Variants in SURF4 observed in about 807,000 individuals in gnomAD.
The protein encoded by SURF4 is surfeit 4, also known as surfeit locus protein 4.
SURF4 carries 3 observed loss-of-function variants against 30.0 expected under a neutral mutation model. The observed-to-expected ratio is 0.10, with a 90% CI of 0.05 to 0.26. SURF4 has a LOEUF of 0.26. SURF4 is among the 10% of genes least tolerant of loss of function. The pLI, the probability that SURF4 is intolerant of heterozygous loss-of-function variation, is 1.00. For synonymous variants in SURF4, 143 were observed against 139.9 expected, an observed-to-expected ratio of 1.02 and a Z score of -0.16; for missense variants, 217 against 350.8, an observed-to-expected ratio of 0.62 and a Z score of 3.05.
intron 2 of SURF4, 129 bp downstream of exon 2, chr9:133,367,130 C>T: frequency 8.0e-7 from 1 of 1,247,896 alleles, no homozygotes; most frequent in Non-Finnish European, 1.1e-6. Flanking sequence ...CACAGCTGAG[C>T]TGGAGAAGAG....
Position 133,366,684 on chromosome 9 carries a change from A to G in SURF4, c.236-9T>C, listed in dbSNP as rs1255718261. The G allele has an allele frequency of 1.2e-6, 2 of 1,612,998 alleles. No homozygotes were observed. Among genetic ancestry groups the G allele is most frequent in the Non-Finnish European group, 1.7e-6 (2 of 1,179,916 alleles). On this transcript the variant is annotated splice_polypyrimidine_tract_variant and intron_variant, in intron 2 of 5. Transcript: ENST00000371989. Reference sequence around the variant, plus strand: ...CACCAGGACGCAGCCAGCTGGAGAGAAGGACAAGGGTTAGGGGGCCTGAGG... The same window carrying G: ...CACCAGGACGCAGCCAGCTGGAGAGGAGGACAAGGGTTAGGGGGCCTGAGG...
chr9:133,375,223 T>C (rs2130234060), intron 1 of SURF4: 1 of 985,502 alleles, frequency 1.0e-6, no homozygotes, highest in Non-Finnish European at 1.2e-6. Context: ...GGCTTCCCTG[T>C]TGCTCAGAAT....
In SURF4 at chr9:133,361,867, G is replaced by A. The variant is rs1255392672; in HGVS notation, c.*1626C>T. 1.3e-5 allele frequency: 2 copies of A among 151,118 alleles called. No homozygotes were observed. The highest frequency in any genetic ancestry group is 4.9e-5 in the African/African-American group (2 of 40,462). The allele number at this position is 151,118 out of a possible 1,614,324, so 9.4% of individuals were successfully genotyped here. A position where few individuals can be genotyped will look rare whatever the true frequency, so the allele number is the denominator to read the frequency against. On this transcript the variant is annotated 3_prime_UTR_variant, in exon 6 of 6. Coordinates refer to ENST00000371989, the MANE Select transcript of SURF4 (RefSeq NM_033161.4). The stretch of plus-strand genomic sequence containing the variant: ...TGGGGGCTGTCATACGGCACTAACA[G>A]GGAGCGAGGTGTGGACCAAGAGACA...
intron 1 of SURF4, among the ~76,000 whole-genome samples, chr9:133,371,528 C>T (rs2130190161): frequency 2.0e-5 from 3 of 152,220 alleles, no homozygotes; most frequent in Admixed American, 6.5e-5. Context: ...TAACTGAGAA[C>T]GACTGGGCCC....
At chr9:133,367,573 C>G (rs2130146416) in intron 1 of SURF4, 128 bp from the exon 2 acceptor site, 1 of 1,540,126 alleles carries the variant, frequency 6.5e-7, no homozygotes, top group Non-Finnish European at 8.7e-7. Context: ...TTGTCAGCCC[C>G]GGTGCCTTCC....
rs2130071792 is a variant in SURF4 at position 133,362,200 on chromosome 9, A to C, written c.*1293T>G. 13 of 151,000 alleles carry C rather than the reference A, an allele frequency of 8.6e-5. No homozygotes were observed. Among genetic ancestry groups the C allele is most frequent in the Admixed American group, 7.9e-4 (12 of 15,252 alleles). The allele number at this position is 151,000 out of a possible 1,614,324, so 9.4% of individuals were successfully genotyped here. A position where few individuals can be genotyped will look rare whatever the true frequency, so the allele number is the denominator to read the frequency against. On this transcript the variant is annotated 3_prime_UTR_variant, in exon 6 of 6. Coordinates refer to ENST00000371989, the MANE Select transcript of SURF4 (RefSeq NM_033161.4). ...GCTGGGCCGCAGCAGCCCTGGAGAC[A>C]GGCTGAGCCAGCCTGTCCCCAGATA... is the stretch of plus-strand genomic sequence containing the variant.
At chr9:133,367,131 T>G (rs1280989396) in intron 2 of SURF4, 128 bp downstream of exon 2, 25 of 1,250,952 alleles carry the variant, frequency 2.0e-5, no homozygotes, top group African/African-American at 3.0e-5. Flanking sequence ...ACAGCTGAGC[T>G]GGAGAAGAGG....
chr9:133,369,513 C>T (rs1286006839), intron 1 of SURF4, among the ~76,000 whole-genome samples: 1 of 152,212 alleles, frequency 6.6e-6, no homozygotes, highest in African/African-American at 2.4e-5. Flanking sequence ...CCTTGTTTCA[C>T]TTTTTATTTT....
chr9:133,375,357 A>T (rs1406650351), intron 1 of SURF4: 1 of 985,578 alleles, frequency 1.0e-6, no homozygotes, highest in Non-Finnish European at 1.2e-6. Context: ...AGACGCAGAC[A>T]GGGTCAAAGG....
chr9:133,371,973 A>C (rs2130193463), intron 1 of SURF4, among the ~76,000 whole-genome samples: 1 of 152,274 alleles, frequency 6.6e-6, no homozygotes, highest in Non-Finnish European at 1.5e-5. Context: ...GCCACCAGGC[A>C]GAACCCATTA....
intron 1 of SURF4, among the ~76,000 whole-genome samples, chr9:133,373,686 G>C (rs1026302604): frequency 3.9e-5 from 6 of 151,934 alleles, no homozygotes; most frequent in African/African-American, 1.4e-4. Flanking sequence ...GGGAGGCTAA[G>C]GCAGGCGGAC....
chr9:133,368,892 C>T (rs1837338286), intron 1 of SURF4, among the ~76,000 whole-genome samples: 1 of 152,200 alleles, frequency 6.6e-6, no homozygotes, highest in South Asian at 2.1e-4. Flanking sequence ...AAAGAGCACC[C>T]GAGAGGCTGA....
chr9:133,366,512 T>C, intron 3 of SURF4, 87 bp downstream of exon 3: 2 of 1,419,496 alleles, frequency 1.4e-6, no homozygotes, highest in Admixed American at 3.4e-5. Flanking sequence ...GAAGGGGGAG[T>C]GACACTGAAC....
chr9:133,364,794 G>A, intron 5 of SURF4, 46 bp downstream of exon 5: 1 of 1,599,030 alleles, frequency 6.3e-7, no homozygotes, highest in Non-Finnish European at 8.6e-7. Flanking sequence ...GGGAGGGACA[G>A]CATTCACAGG....
intron 4 of SURF4, 100 bp downstream of exon 4, chr9:133,365,885 T>TG: frequency 2.4e-6 from 3 of 1,253,352 alleles, no homozygotes; most frequent in South Asian, 2.5e-5. Context: ...GTCATGTTGG[T>TG]GCCCAAGATT....
In SURF4 at chr9:133,363,874, G is replaced by A. The variant is rs2130095275; in HGVS notation, c.544-115C>T. 3.0e-6 allele frequency: 4 copies of A among 1,334,082 alleles called. No individual in the cohort carries two copies. Among genetic ancestry groups the A allele is most frequent in the Non-Finnish European group, 4.3e-6 (4 of 941,122 alleles). 82.6% of individuals were successfully genotyped at this position (1,334,082 alleles called of 1,614,324 possible). On this transcript the variant is annotated intron_variant, in intron 5 of 5. Transcript: ENST00000371989. This position sits in a 1 kb window ranked among gnomAD's most constrained non-coding sequence, Gnocchi z 4.3. Reference sequence around the variant, plus strand: ...AGTCTCTATCCATCAGGCTGATGTAGCTACTGCTGAGACGGCTGCTGGTGC... The same window carrying A: ...AGTCTCTATCCATCAGGCTGATGTAACTACTGCTGAGACGGCTGCTGGTGC...
chr9:133,376,269 G>A (rs1486620647), upstream of SURF4: 29 of 1,303,916 alleles, frequency 2.2e-5, no homozygotes, highest in Non-Finnish European at 2.5e-5. Flanking sequence ...CGCCCGCCGC[G>A]CGCAGGCCCT....
intron 1 of SURF4, chr9:133,372,802 C>G: frequency 4.4e-6 from 1 of 226,648 alleles, no homozygotes. Flanking sequence ...CAAAGCCCCA[C>G]CTGGGCTTGG....
chr9:133,365,225 C>T (rs1837097382), intron 4 of SURF4, among the ~76,000 whole-genome samples, 199 bp from the exon 5 acceptor site: 1 of 152,174 alleles, frequency 6.6e-6, no homozygotes, highest in Non-Finnish European at 1.5e-5. Flanking sequence ...TAAAACCTTA[C>T]ATAGCTCAGG....
Sources: allele counts gnomAD v4.1 joint callset (sites outside exome capture counted in the v4.1 genomes callset), GRCh38; gene constraint gnomAD v4.1.1; non-coding constraint Gnocchi (gnomAD v3.1); transcripts MANE v1.5; gene names NCBI Gene and HGNC (gene_info 2026-07-23, HGNC 2026-07-21).